The following EPC1 variants were observed in gnomAD, a reference collection of about 807,000 sequenced individuals.
EPC1 encodes the protein enhancer of polycomb homolog 1.
In EPC1, 12 loss-of-function variants were observed where a neutral mutation model predicts 98.4. That is an observed-to-expected ratio of 0.12 (90% CI 0.08 to 0.20). The LOEUF is 0.20. EPC1 is among the 10% of genes least tolerant of loss of function. EPC1 has a pLI of 1.00. For synonymous variants in EPC1, 357 were observed against 363.9 expected (o/e 0.98, Z 0.21); for missense variants, 729 against 990.5 (o/e 0.74, Z 3.54).
chr10:32,317,720 G>C (rs1429212467), intron 1 of EPC1, among the ~76,000 whole-genome samples: 1 of 152,176 alleles, frequency 6.6e-6, no homozygotes, highest in Non-Finnish European at 1.5e-5. Flanking sequence ...TTTAAGGACA[G>C]ATAGTATCTG....
At chr10:32,342,273 G>T (rs1838413248) in intron 1 of EPC1, among the ~76,000 whole-genome samples, 2 of 152,120 alleles carry the variant, frequency 1.3e-5, no homozygotes, top group Non-Finnish European at 1.5e-5. Context: ...CAGATAAAGG[G>T]ACTAAAAATA....
intron 1 of EPC1, among the ~76,000 whole-genome samples, chr10:32,359,247 C>T (rs116538589): frequency 0.011 from 1,724 of 152,252 alleles, 37 homozygotes; most frequent in African/African-American, 0.04. Context: ...TTATCCTTAT[C>T]ACTGTCTTAA....
intron 2 of EPC1, among the ~76,000 whole-genome samples, chr10:32,301,581 A>G (rs1835545844): frequency 1.3e-5 from 2 of 152,260 alleles, no homozygotes; most frequent in African/African-American, 4.8e-5. Flanking sequence ...TGGGATAAAC[A>G]CAGAAATCAA....
intron 2 of EPC1, among the ~76,000 whole-genome samples, chr10:32,305,459 A>G (rs1835822581): frequency 6.6e-6 from 1 of 151,912 alleles, no homozygotes; most frequent in Admixed American, 6.6e-5. Flanking sequence ...GACTATTAAT[A>G]TTATTAATTC....
chr10:32,316,960 A>C (rs1836591402), intron 1 of EPC1, among the ~76,000 whole-genome samples: 1 of 152,256 alleles, frequency 6.6e-6, no homozygotes, highest in Non-Finnish European at 1.5e-5. Context: ...TAAAATAAAT[A>C]ATAACATGGA....
At position 32,364,001 on chromosome 10, in the gene EPC1, C is replaced by CCTTTTTTTTTTTTTTTTTTT. The variant is rs770520611; in HGVS notation, c.3+14489_3+14490insAAAAAAAAAAAAAAAAAAAG. Among the ~76,000 whole-genome samples the CCTTTTTTTTTTTTTTTTTTT allele has an allele frequency of 5.3e-4, 33 of 61,840 alleles. 15 individuals carry two copies. Among genetic ancestry groups the CCTTTTTTTTTTTTTTTTTTT allele is most frequent in the Non-Finnish European group, 6.5e-4 (21 of 32,534 alleles). 40.6% of individuals were successfully genotyped at this position (61,840 alleles called of 152,430 possible). A position where few individuals can be genotyped will look rare whatever the true frequency, so the allele number is the denominator to read the frequency against. ...AATAGTATCGTGTCCATCATGTTGG[C>CCTTTTTTTTTTTTTTTTTTT]ATTTTTTTTTTTTTTTTTTTTTTTT... On this transcript the variant is annotated intron_variant, in intron 1 of 13. Coordinates refer to the EPC1 transcript ENST00000375110.
intron 1 of EPC1, among the ~76,000 whole-genome samples, chr10:32,325,788 T>G (rs1238588658): frequency 3.3e-5 from 4 of 120,676 alleles, no homozygotes; most frequent in African/African-American, 1.1e-4. Context: ...TTTTTGGTGT[T>G]TTTTTTTTAA....
chr10:32,347,211 G>T (rs1838905827), upstream of EPC1: 1 of 1,229,594 alleles, frequency 8.1e-7, no homozygotes, highest in Non-Finnish European at 1.0e-6. Context: ...GCAGCGGCGC[G>T]GGCACGCGGG....
chr10:32,351,858 G>A (rs1030265576), upstream of EPC1, among the ~76,000 whole-genome samples: 5 of 148,908 alleles, frequency 3.4e-5, no homozygotes, highest in African/African-American at 1.2e-4. Flanking sequence ...AGCTTCACAA[G>A]TAGCTGGGAT....
intron 1 of EPC1, among the ~76,000 whole-genome samples, chr10:32,339,325 A>G (rs1387191998): frequency 1.3e-5 from 2 of 152,216 alleles, no homozygotes; most frequent in Non-Finnish European, 2.9e-5. Context: ...AAGCAGAGCT[A>G]GAGGCTAGAG....
intron 1 of EPC1, among the ~76,000 whole-genome samples, chr10:32,346,123 C>T (rs541499881): frequency 6.6e-6 from 1 of 152,326 alleles, no homozygotes; most frequent in African/African-American, 2.4e-5. Flanking sequence ...GTCGTCCGGG[C>T]AAACACGCTG....
At chr10:32,300,731 G>A (rs1327780345) in intron 2 of EPC1, among the ~76,000 whole-genome samples, 1 of 152,072 alleles carries the variant, frequency 6.6e-6, no homozygotes, top group African/African-American at 2.4e-5. Flanking sequence ...ACCGCGTCCC[G>A]CCGATTTTTA....
intron 13 of EPC1, among the ~76,000 whole-genome samples, chr10:32,269,754 T>C (rs1350783579): frequency 6.6e-6 from 1 of 152,234 alleles, no homozygotes; most frequent in African/African-American, 2.4e-5. Flanking sequence ...AGATGAGCTA[T>C]ATAATTAGAC....
In EPC1 at chr10:32,286,796, T is replaced by C. The variant is rs1285744758; in HGVS notation, c.1289A>G (p.Asp430Gly). 18 of 1,614,002 alleles carry C rather than the reference T, an allele frequency of 1.1e-5. No individual in the cohort carries two copies. Among genetic ancestry groups the C allele is most frequent in the Non-Finnish European group, 1.4e-5 (16 of 1,179,986 alleles). Residue 430 changes from aspartate to glycine, a missense_variant, in exon 9 of 14, where the codon GAT (aspartate) becomes GGT (glycine). Transcript: ENST00000319778. Reference sequence around the variant, plus strand: ...ATATCGCACATCCCCTAATCCTCCATCTTTAGGACTAGTCCAAGGCCAGTT... The same window carrying C: ...ATATCGCACATCCCCTAATCCTCCACCTTTAGGACTAGTCCAAGGCCAGTT... ...TGNWPWTSPKDGGLGDVRYRY... is the reference protein window; with the variant it reads ...TGNWPWTSPKGGGLGDVRYRY...
chr10:32,279,872 A>G (rs1396354485), intron 10 of EPC1, among the ~76,000 whole-genome samples: 1 of 152,134 alleles, frequency 6.6e-6, no homozygotes, highest in African/African-American at 2.4e-5. Flanking sequence ...AAAATATACA[A>G]TTTATCCTTA....
In EPC1 at chr10:32,288,885, T is replaced by G. The variant is rs933663889; in HGVS notation, c.976-1611A>C. On this transcript the variant is annotated intron_variant, in intron 6 of 13. Transcript: ENST00000319778. ...CGGGAGGATCATGAGGTCAGGAGAT[T>G]GAGACCATCCTGGCTAACACGATGA... Among the ~76,000 whole-genome samples the G allele has an allele frequency of 4.0e-5, 6 of 151,810 alleles. No individual in the cohort carries two copies. In the East Asian group the frequency reaches 1.2e-3, roughly 30 times the overall value.
rs182424610 is a variant in EPC1 at position 32,307,368 on chromosome 10, A to G, written c.154-1437T>C. Among the ~76,000 whole-genome samples, 163 of 152,368 alleles carry G rather than the reference A, an allele frequency of 1.1e-3. 1 individual carries two copies. Among genetic ancestry groups the G allele is most frequent in the Middle Eastern group, 3.4e-3 (1 of 294 alleles). ...GCTCAAAGGGTATATCTAAGGTTGT[A>G]ACAACACATATTCCTCATTCCTTAA... On this transcript the variant is annotated intron_variant, in intron 1 of 13. Coordinates refer to ENST00000319778, the MANE Select transcript of EPC1 (RefSeq NM_001272004.3).
intron 10 of EPC1, among the ~76,000 whole-genome samples, chr10:32,279,510 T>C (rs147188966): frequency 9.3e-4 from 141 of 152,352 alleles, no homozygotes; most frequent in African/African-American, 3.3e-3. Flanking sequence ...TAAATTGCAC[T>C]AAGTTACGGA....
At chr10:32,336,285 G>T (rs1050940123) in intron 1 of EPC1, among the ~76,000 whole-genome samples, 5 of 124,074 alleles carry the variant, frequency 4.0e-5, no homozygotes, top group African/African-American at 1.4e-4. Flanking sequence ...GGCCAGGCTG[G>T]TCTCGAACTC....
Sources: gnomAD v4.1 joint callset for allele counts (sites outside exome capture counted in the v4.1 genomes callset) on GRCh38, gnomAD v4.1.1 for gene constraint, MANE v1.5 for transcripts, NCBI Gene and HGNC (gene_info 2026-07-23, HGNC 2026-07-21) for gene names.